MARF1: variants seen among roughly 807,000 people sequenced by gnomAD.
MARF1 encodes the protein meiosis regulator and mRNA stability factor 1, also known as limkain-b1.
MARF1 carries 24 observed loss-of-function variants against 168.2 expected under a neutral mutation model. The observed-to-expected ratio is 0.14, with a 90% CI of 0.10 to 0.20. The LOEUF is 0.20. MARF1 is among the 10% of genes least tolerant of loss of function. The pLI is 1.00. For synonymous variants in MARF1, 868 were observed against 822.4 expected, an observed-to-expected ratio of 1.06 and a Z score of -0.95; for missense variants, 1,744 against 2,143.6, an observed-to-expected ratio of 0.81 and a Z score of 3.68.
chr16:15,608,240 G>C, intron 21 of MARF1, 51 bp downstream of exon 21: 1 of 1,198,726 alleles, frequency 8.3e-7, no homozygotes, highest in South Asian at 1.4e-5. Flanking sequence ...TTAGGTCACT[G>C]TGAGTTTTAT....
In MARF1 at chr16:15,596,464, C is replaced by G; in HGVS notation, c.*229G>C. 1 of 379,904 alleles carries G rather than the reference C, an allele frequency of 2.6e-6. No homozygotes were observed. Among genetic ancestry groups the G allele is most frequent in the Non-Finnish European group, 4.6e-6 (1 of 217,324 alleles). The allele number at this position is 379,904 out of a possible 1,614,324, so 23.5% of individuals were successfully genotyped here. ...ATTAAGGATTCTTTAACAAATGCCACAAGTTCTTCAAATAATTGAAAAAAG... is the reference window on the plus strand; with the variant it reads ...ATTAAGGATTCTTTAACAAATGCCAGAAGTTCTTCAAATAATTGAAAAAAG... On this transcript the variant is annotated 3_prime_UTR_variant, in exon 27 of 27. Transcript: ENST00000396368.
intron 16 of MARF1, among the ~76,000 whole-genome samples, chr16:15,615,339 G>A (rs1464610639): frequency 6.6e-6 from 1 of 151,992 alleles, no homozygotes; most frequent in Non-Finnish European, 1.5e-5. Flanking sequence ...AAAAAACAAA[G>A]TCTAGGCCGG....
At chr16:15,633,895 G>T in intron 4 of MARF1, 52 bp from the exon 5 acceptor site, 1 of 1,399,630 alleles carries the variant, frequency 7.1e-7, no homozygotes, top group Non-Finnish European at 9.9e-7. Flanking sequence ...TAAATGGCAA[G>T]TTACAATAAG....
chr16:15,599,522 C>G (rs377609633), intron 25 of MARF1, among the ~76,000 whole-genome samples: 1 of 152,326 alleles, frequency 6.6e-6, no homozygotes, highest in African/African-American at 2.4e-5. Flanking sequence ...GCAGATGATT[C>G]CCAGGAGGGC....
At chr16:15,636,584 G>C (rs1006661700) in intron 2 of MARF1, among the ~76,000 whole-genome samples, 2 of 152,162 alleles carry the variant, frequency 1.3e-5, no homozygotes, top group Admixed American at 6.5e-5. Context: ...AATTGAAACA[G>C]ACTGGGGTGG....
intron 23 of MARF1, chr16:15,600,906 A>G: frequency 1.4e-6 from 1 of 706,466 alleles, no homozygotes; most frequent in South Asian, 1.5e-5. Flanking sequence ...AAAGCAGAGT[A>G]GTTCAAAAAT....
intron 17 of MARF1, 33 bp downstream of exon 17, chr16:15,612,524 C>A (rs1410897800): frequency 4.5e-6 from 7 of 1,565,298 alleles, no homozygotes; most frequent in Non-Finnish European, 6.2e-6. Flanking sequence ...AACATTCCTG[C>A]CTGTAAACAA....
chr16:15,627,486 C>T (rs181986092), intron 7 of MARF1, among the ~76,000 whole-genome samples: 171 of 152,222 alleles, frequency 1.1e-3, no homozygotes, highest in Non-Finnish European at 1.5e-3. Flanking sequence ...GGCGTGGTGG[C>T]GGGCGCCTGT....
At chr16:15,633,427 T>G (rs2035381164) in intron 5 of MARF1, among the ~76,000 whole-genome samples, 190 bp downstream of exon 5, 1 of 152,074 alleles carries the variant, frequency 6.6e-6, no homozygotes, top group Non-Finnish European at 1.5e-5. Flanking sequence ...GCATCTGTGA[T>G]CCTGGCTAGT....
At chr16:15,624,290 T>G (rs932278235) in intron 10 of MARF1, among the ~76,000 whole-genome samples, 1 of 152,204 alleles carries the variant, frequency 6.6e-6, no homozygotes, top group Non-Finnish European at 1.5e-5. Flanking sequence ...AAGGAGCTCA[T>G]GGGAATGCAA....
intron 7 of MARF1, among the ~76,000 whole-genome samples, chr16:15,629,760 T>C (rs2151253956): frequency 6.6e-6 from 1 of 152,298 alleles, no homozygotes; most frequent in East Asian, 1.9e-4. Context: ...GTCCTGGAAA[T>C]GTGCTCACAC....
At chr16:15,621,220 G>A (rs1428839433) in intron 12 of MARF1, among the ~76,000 whole-genome samples, 2 of 152,232 alleles carry the variant, frequency 1.3e-5, no homozygotes, top group East Asian at 1.9e-4. Context: ...CAGTCTCCCC[G>A]AAACAGGGAG....
Position 15,635,882 on chromosome 16 carries a change from C to G in MARF1, c.605G>C (p.Cys202Ser). The stretch of plus-strand genomic sequence containing the variant: ...ATGCAGCTTGTGCACATTACCATGA[C>G]ATGACTGGAAGTGGAGTTTTCCACA... Reference protein sequence around the residue: ...PCCGKLHFQSCHGNVHKLHQF... With the variant: ...PCCGKLHFQSSHGNVHKLHQF... The change falls in exon 3 of 27, where the codon TGT (cysteine) becomes TCT (serine). Residue 202 changes from cysteine (C) to serine (S), a missense_variant. Transcript: ENST00000396368. 1 of 1,614,184 alleles carries G rather than the reference C, an allele frequency of 6.2e-7. No individual in the cohort carries two copies. The highest frequency in any genetic ancestry group is 8.5e-7 in the Non-Finnish European group (1 of 1,180,036).
rs770355464 is a variant in MARF1 at position 15,612,672 on chromosome 16, G to T, written c.3359C>A (p.Pro1120His). The change falls in exon 17 of 27, where the codon CCC (proline) becomes CAC (histidine). Residue 1120 changes from proline to histidine, a missense_variant. Pro to His is a moderately conservative substitution (Grantham distance 77, BLOSUM62 -2). This residue lies in a region of MARF1 where 543 missense variants were observed against 742.1 expected (regional missense o/e 0.73). Coordinates refer to ENST00000396368, the MANE Select transcript of MARF1 (RefSeq NM_014647.4). ...LLKSQPSCVI[P>H]ISHFIPSYHH... ...ATAGGATGGGATGAAATGACTGATG[G>T]GTATGACACAAGATGGCTGGCTTTT... 9 of 1,613,980 alleles carry T rather than the reference G, an allele frequency of 5.6e-6. No homozygotes were observed. The highest frequency in any genetic ancestry group is 2.2e-5 in the South Asian group (2 of 91,086).
chr16:15,636,845 G>T (rs188137290), intron 2 of MARF1, among the ~76,000 whole-genome samples: 350 of 152,262 alleles, frequency 2.3e-3, no homozygotes, highest in Admixed American at 3.9e-3. Flanking sequence ...ACACAGATGA[G>T]ATCAGCCATC....
chr16:15,602,646 GAA>G (rs1242259991), intron 22 of MARF1: 1 of 442,288 alleles, frequency 2.3e-6, no homozygotes, highest in Non-Finnish European at 4.5e-6. Flanking sequence ...AGAGGAGAAA[GAA>G]AAGGAGGAGG....
Position 15,600,557 on chromosome 16 carries a change from C to T in MARF1, c.4688-4G>A, listed in dbSNP as rs1444066709. 4 of 1,614,086 alleles carry T rather than the reference C, an allele frequency of 2.5e-6. No homozygotes were observed. The highest frequency in any genetic ancestry group is 3.4e-6 in the Non-Finnish European group (4 of 1,180,058). The stretch of plus-strand genomic sequence containing the variant: ...AGACTGAGTGAACTCAAACGACCTA[C>T]AGGACAAAGAGCACCCGTCAGAGAG... On this transcript the variant is annotated splice_polypyrimidine_tract_variant and splice_region_variant and intron_variant, in intron 24 of 26. Coordinates refer to ENST00000396368, the MANE Select transcript of MARF1 (RefSeq NM_014647.4).
chr16:15,635,436 T>C (rs776923949), intron 3 of MARF1: 1 of 550,012 alleles, frequency 1.8e-6, no homozygotes, highest in Non-Finnish European at 3.2e-6. Context: ...GCTCTAAAAG[T>C]ATAAACTACA....
chr16:15,601,501 C>T (rs3752425), intron 23 of MARF1: 46 of 221,724 alleles, frequency 2.1e-4, no homozygotes, highest in Non-Finnish European at 3.7e-4. Flanking sequence ...TCAGCTCCCT[C>T]TTAGCCTCTC....
Sources: gnomAD v4.1 joint callset for allele counts (sites outside exome capture counted in the v4.1 genomes callset) on GRCh38, gnomAD v4.1.1 for gene constraint, gnomAD v4.1.1 regional missense constraint, MANE v1.5 for transcripts, NCBI Gene and HGNC (gene_info 2026-07-23, HGNC 2026-07-21) for gene names.